CPNE1: variants seen among roughly 807,000 people sequenced by gnomAD.
CPNE1 encodes the protein copine 1.
Under a neutral mutation model 63.2 loss-of-function variants are expected in CPNE1, and 58 were observed. That is an observed-to-expected ratio of 0.92 (90% CI 0.74 to 1.14). CPNE1 has a LOEUF of 1.14. CPNE1 is among the 50% of genes most tolerant of loss of function. CPNE1 has a pLI of 0.00. For synonymous variants in CPNE1, 237 were observed against 249.0 expected (o/e 0.95, Z 0.45); for missense variants, 672 against 661.7 (o/e 1.02, Z -0.17).
rs1256826047 is a variant in CPNE1 at position 35,655,477 on chromosome 20, T to C, written c.-1+9283A>G. ...AGCTATCACAGGCAATGTCTTTAAT[T>C]TAGATATTCTAAAAACTGAACATTA... On this transcript the variant is annotated intron_variant, in intron 1 of 15. Coordinates refer to ENST00000397443, the MANE Select transcript of CPNE1 (RefSeq NM_152925.3). 81 of 760,416 alleles carry C rather than the reference T, an allele frequency of 1.1e-4. 1 individual carries two copies. In the South Asian group the frequency reaches 1.1e-3, roughly 11 times the overall value. 47.1% of individuals were successfully genotyped at this position (760,416 alleles called of 1,614,324 possible). A position where few individuals can be genotyped will look rare whatever the true frequency, so the allele number is the denominator to read the frequency against.
intron 1 of CPNE1, among the ~76,000 whole-genome samples, chr20:35,657,989 G>A (rs1010785050): frequency 5.3e-5 from 8 of 151,994 alleles, no homozygotes; most frequent in African/African-American, 1.9e-4. Flanking sequence ...TTGAACCCGG[G>A]AGGCAGAGAT....
chr20:35,632,101 C>T, intron 5 of CPNE1, 62 bp downstream of exon 5: 1 of 1,598,508 alleles, frequency 6.3e-7, no homozygotes, highest in Non-Finnish European at 8.6e-7. Context: ...ACACCCCCAT[C>T]CCCCATACAC....
chr20:35,653,387 T>C, intron 1 of CPNE1: 2 of 1,614,182 alleles, frequency 1.2e-6, no homozygotes, highest in Non-Finnish European at 1.7e-6. Flanking sequence ...ACTGCAGGAT[T>C]ACCTGGCACA....
At chr20:35,640,292 T>C (rs1390907225) in intron 1 of CPNE1, among the ~76,000 whole-genome samples, 3 of 152,218 alleles carry the variant, frequency 2.0e-5, no homozygotes, top group Admixed American at 2.0e-4. Flanking sequence ...AAACTGTTCA[T>C]GTCACTCTTC....
intron 1 of CPNE1, among the ~76,000 whole-genome samples, chr20:35,646,264 AAAAAAAAAAAAAAAG>A (rs1361045788): frequency 1.5e-5 from 2 of 136,234 alleles, no homozygotes; most frequent in African/African-American, 5.9e-5. Flanking sequence ...AAAAAAAAAA[AAAAAAAAAAAAAAAG>A]AAACAAAAAA....
chr20:35,659,244 G>A (rs909146040), intron 1 of CPNE1, among the ~76,000 whole-genome samples: 1 of 151,540 alleles, frequency 6.6e-6, no homozygotes, highest in Non-Finnish European at 1.5e-5. Flanking sequence ...ATATTTACAA[G>A]AGTGTCATTA....
chr20:35,651,634 T>C (rs1271696622), intron 1 of CPNE1: 3 of 152,056 alleles, frequency 2.0e-5, no homozygotes, highest in African/African-American at 7.3e-5. Flanking sequence ...TTAGTCCATA[T>C]GAAAAGGACT....
At chr20:35,628,590 T>A (rs1370912963) in intron 13 of CPNE1, among the ~76,000 whole-genome samples, 1 of 152,210 alleles carries the variant, frequency 6.6e-6, no homozygotes, top group African/African-American at 2.4e-5. Context: ...CCTGAGGATT[T>A]ATCAGGTAAA....
chr20:35,660,068 G>A (rs971609010), intron 1 of CPNE1, among the ~76,000 whole-genome samples: 2 of 152,058 alleles, frequency 1.3e-5, no homozygotes, highest in Non-Finnish European at 2.9e-5. Context: ...ACTATTCATC[G>A]TCTAGTCAAC....
intron 13 of CPNE1, among the ~76,000 whole-genome samples, chr20:35,629,363 T>C: frequency 6.6e-6 from 1 of 152,206 alleles, no homozygotes; most frequent in South Asian, 2.1e-4. Context: ...TTGGGGGTAC[T>C]GGGGAGTCAA....
chr20:35,645,624 TA>T (rs1165714909), intron 1 of CPNE1, among the ~76,000 whole-genome samples: 1 of 152,234 alleles, frequency 6.6e-6, no homozygotes, highest in Non-Finnish European at 1.5e-5. Flanking sequence ...GAAGTTGTCT[TA>T]AAAGCTTGAA....
chr20:35,630,550 G>A, intron 12 of CPNE1, 60 bp from the exon 13 acceptor site: 1 of 1,581,664 alleles, frequency 6.3e-7, no homozygotes, highest in African/African-American at 1.3e-5. Flanking sequence ...AATGAAAAAG[G>A]ACACTGGCGT....
chr20:35,654,193 G>A, intron 1 of CPNE1: 1 of 1,614,208 alleles, frequency 6.2e-7, no homozygotes, highest in Non-Finnish European at 8.5e-7. Flanking sequence ...TCTTTCTGTG[G>A]CAGGGCTAAC....
At chr20:35,654,596 C>A in intron 1 of CPNE1, 7 of 1,614,160 alleles carry the variant, frequency 4.3e-6, no homozygotes, top group Non-Finnish European at 5.9e-6. Flanking sequence ...GGCGGCATGC[C>A]CGACATGGGT....
At chr20:35,646,940 T>C (rs1251160726) in intron 1 of CPNE1, among the ~76,000 whole-genome samples, 2 of 152,174 alleles carry the variant, frequency 1.3e-5, no homozygotes, top group African/African-American at 4.8e-5. Flanking sequence ...CCAATTCCAA[T>C]GCTCAGCTGT....
At chr20:35,661,154 TG>T (rs1489146531) in intron 1 of CPNE1, among the ~76,000 whole-genome samples, 6 of 152,220 alleles carry the variant, frequency 3.9e-5, no homozygotes, top group Admixed American at 1.3e-4. Context: ...AGAAAGTTGA[TG>T]CTACAAGTCA....
At chr20:35,660,079 T>C (rs1162677481) in intron 1 of CPNE1, among the ~76,000 whole-genome samples, 1 of 152,258 alleles carries the variant, frequency 6.6e-6, no homozygotes, top group Non-Finnish European at 1.5e-5. Flanking sequence ...TCTAGTCAAC[T>C]ACTCAAGTTG....
At chr20:35,635,043 A>G (rs1163697458) in intron 1 of CPNE1, among the ~76,000 whole-genome samples, 1 of 151,498 alleles carries the variant, frequency 6.6e-6, no homozygotes, top group Non-Finnish European at 1.5e-5. Flanking sequence ...ACACCCAGCC[A>G]GCCAAGTTTG....
At chr20:35,637,555 T>C (rs2032557041) in intron 1 of CPNE1, among the ~76,000 whole-genome samples, 1 of 152,116 alleles carries the variant, frequency 6.6e-6, no homozygotes, top group Non-Finnish European at 1.5e-5. Context: ...TCCATGGTTC[T>C]AATATGACAT....
Sources: allele counts gnomAD v4.1 joint callset (sites outside exome capture counted in the v4.1 genomes callset), GRCh38; gene constraint gnomAD v4.1.1; transcripts MANE v1.5; gene names NCBI Gene and HGNC (gene_info 2026-07-23, HGNC 2026-07-21).